Variants in OTOF observed in about 807,000 individuals in gnomAD.
OTOF encodes the protein otoferlin.
OTOF carries 218 observed loss-of-function variants against 236.8 expected under a neutral mutation model. The ratio of observed to expected loss-of-function variants is 0.92; its 90% CI spans 0.82 to 1.03. OTOF has a LOEUF of 1.03. Ranked by LOEUF, OTOF falls within the 50% of genes least tolerant of loss-of-function variation. The pLI is 0.00. For missense variants in OTOF, 2,590 were observed against 2,694.4 expected (o/e 0.96, Z 0.86); for synonymous variants, 1,041 against 1,072.5 (o/e 0.97, Z 0.57).
chr2:26,477,819 C>A lies in OTOF; in HGVS notation c.2215-70G>T. ...CCCCAGCCTCCCCAAATGCCTCCTC[C>A]CTGTTGATCAGGGGAGTGAGGGACC... On this transcript the variant is annotated intron_variant, in intron 18 of 46. Transcript: ENST00000272371. This position sits in a 1 kb window ranked among gnomAD's most constrained non-coding sequence, Gnocchi z 4.7. The A allele has an allele frequency of 1.3e-6, 2 of 1,593,668 alleles. No individual in the cohort carries two copies. The highest frequency in any genetic ancestry group is 1.7e-6 in the Non-Finnish European group (2 of 1,170,266).
At position 26,480,185 on chromosome 2, in the gene OTOF, C is replaced by T. The variant is rs565109436; in HGVS notation, c.1912+18G>A. ...AGCACTCACCTAGGCCCGAAGCCCC[C>T]GTGGGCCCAGCACTCACCTATGGTG... On this transcript the variant is annotated intron_variant, in intron 16 of 46. Coordinates refer to ENST00000272371, the MANE Select transcript of OTOF (RefSeq NM_194248.3). The T allele has an allele frequency of 3.6e-5, 55 of 1,522,612 alleles. No individual in the cohort carries two copies. In the East Asian group the frequency reaches 4.9e-4, roughly 14 times the overall value. The allele number at this position is 1,522,612 out of a possible 1,614,324, so 94.3% of individuals were successfully genotyped here.
Position 26,516,439 on chromosome 2 carries a change from G to GGGGGCCGGGAGC in OTOF, c.476_487dup (p.Pro162_Pro163insArgSerArgPro). 2 of 1,613,786 alleles carry GGGGGCCGGGAGC rather than the reference G, an allele frequency of 1.2e-6. No individual in the cohort carries two copies. The highest frequency in any genetic ancestry group is 1.7e-6 in the Non-Finnish European group (2 of 1,179,892). On this transcript the variant is annotated inframe_insertion, in exon 5 of 47. Transcript: ENST00000272371. ...TTACCTCCGGAAGCTCTTCTCTCCT[G>GGGGGCCGGGAGC]GGGGCCGGGAGCTGGGCCGGGAGCC...
chr2:26,483,778 C>T, intron 12 of OTOF, 130 bp from the exon 13 acceptor site: 1 of 758,210 alleles, frequency 1.3e-6, no homozygotes, highest in African/African-American at 1.7e-5. Flanking sequence ...TAGGATTAGA[C>T]ACTTGTGTTC....
chr2:26,558,653 C>A lies in OTOF; in HGVS notation c.-82G>T. The A allele has an allele frequency of 8.2e-7, 1 of 1,220,584 alleles. No individual in the cohort carries two copies. The highest frequency in any genetic ancestry group is 1.2e-5 in the South Asian group (1 of 82,582). 75.6% of individuals were successfully genotyped at this position (1,220,584 alleles called of 1,614,324 possible). On this transcript the variant is annotated 5_prime_UTR_variant, in exon 1 of 47. Coordinates refer to ENST00000272371, the MANE Select transcript of OTOF (RefSeq NM_194248.3). ...TGGAGCACGGCTCACACGCCTCTCT[C>A]TTCTCTGCCGCTGCCTCCTCCTCCT...
intron 5 of OTOF, among the ~76,000 whole-genome samples, chr2:26,504,666 G>A (rs1277953437): frequency 6.6e-6 from 1 of 152,174 alleles, no homozygotes; most frequent in Admixed American, 6.5e-5. Context: ...TGAGGAAAAG[G>A]GGCAGGGGTC....
rs111033383 is a variant in OTOF at position 26,479,325 on chromosome 2, C to T, written c.2153G>A (p.Trp718Ter). Residue 718 changes from tryptophan (W) to a stop codon, truncating the protein, a stop_gained, in exon 18 of 47, where the codon TGG becomes TAG. Coordinates refer to ENST00000272371, the MANE Select transcript of OTOF (RefSeq NM_194248.3). LOFTEE classifies it high-confidence loss of function. Reference sequence around the variant, plus strand: ...GTAGAGGCGGCGGCGCTGGTCCGGCCACCAGCTCTTGATGTAGATGCAGGG... The same window carrying T: ...GTAGAGGCGGCGGCGCTGGTCCGGCTACCAGCTCTTGATGTAGATGCAGGG... ...RKPCIYIKSWWPDQRRRLYNA... is the reference protein window; with the variant it reads ...RKPCIYIKSW 1.9e-5 allele frequency: 31 copies of T among 1,612,554 alleles called. No homozygotes were observed. In the African/African-American group the frequency reaches 4.0e-4, roughly 21 times the overall value.
Position 26,523,600 on chromosome 2 carries a change from A to AG in OTOF, c.227+4231dup, listed in dbSNP as rs34223786. On this transcript the variant is annotated intron_variant, in intron 3 of 46. Coordinates refer to ENST00000272371, the MANE Select transcript of OTOF (RefSeq NM_194248.3). ...GAGTGCCCTGAGTCCTTCAGAGAAGAGGGGCCACTCCGATTCCCTCTCAAA... is the reference window on the plus strand; with the variant it reads ...GAGTGCCCTGAGTCCTTCAGAGAAGAGGGGGCCACTCCGATTCCCTCTCAAA... 7.5e-3 allele frequency among the ~76,000 whole-genome samples: 1,136 copies of AG among 152,270 alleles called. 15 individuals carry two copies. The highest frequency in any genetic ancestry group is 0.025 in the African/African-American group (1,038 of 41,544).
chr2:26,475,862 A>G (rs1056182131), intron 24 of OTOF, 52 bp downstream of exon 24: 31 of 1,558,526 alleles, frequency 2.0e-5, no homozygotes, highest in Non-Finnish European at 2.5e-5. Context: ...ACAGGCTCAC[A>G]GGCTTCTGGT....
rs762893229 is a variant in OTOF at position 26,474,091 on chromosome 2, G to A, written c.3308C>T (p.Ala1103Val). 4 of 1,612,956 alleles carry A rather than the reference G, an allele frequency of 2.5e-6. No homozygotes were observed. Among genetic ancestry groups the A allele is most frequent in the Non-Finnish European group, 3.4e-6 (4 of 1,179,860 alleles). ...ELLQIGPAGKADLPPINGPVD... is the reference protein window; with the variant it reads ...ELLQIGPAGKVDLPPINGPVD... ...CGGGCCATTGATGGGGGGCAGGTCA[G>A]CCTTCCCTGCTGGTCCAATCTGGGG... The change falls in exon 27 of 47, where the codon GCT (alanine) becomes GTT (valine). Residue 1103 changes from alanine to valine, a missense_variant. By Grantham distance (64) the Ala-to-Val change is moderately conservative. Coordinates refer to ENST00000272371, the MANE Select transcript of OTOF (RefSeq NM_194248.3).
At chr2:26,479,768 G>C (rs1665478226) in intron 16 of OTOF, 115 bp from the exon 17 acceptor site, 2 of 975,154 alleles carry the variant, frequency 2.1e-6, no homozygotes, top group African/African-American at 3.2e-5. Flanking sequence ...TCAGGGAATG[G>C]GGCTCAGACG....
At chr2:26,500,707 G>T (rs76345096) in intron 8 of OTOF, among the ~76,000 whole-genome samples, 2 of 152,260 alleles carry the variant, frequency 1.3e-5, no homozygotes, top group East Asian at 3.9e-4. Flanking sequence ...AAAGATGAAG[G>T]GAGATGAAGT....
Position 26,473,441 on chromosome 2 carries a change from G to A in OTOF, c.3535C>T (p.Pro1179Ser), listed in dbSNP as rs752686446. 1 of 1,613,386 alleles carries A rather than the reference G, an allele frequency of 6.2e-7. No homozygotes were observed. Among genetic ancestry groups the A allele is most frequent in the Admixed American group, 1.7e-5 (1 of 60,014 alleles). ...SSLIHNYKKN[P>S]NFNTLVKWFE... ...CACTTGACGAGGGTGTTGAAGTTGG[G>A]GTTCTTCTTATAATTGTGGATCAGG... The change falls in exon 28 of 47, where the codon CCC becomes TCC. Residue 1179 changes from proline to serine, a missense_variant. By Grantham distance (74) the Pro-to-Ser change is moderately conservative. Coordinates refer to ENST00000272371, the MANE Select transcript of OTOF (RefSeq NM_194248.3). This position sits in a 1 kb window ranked among gnomAD's most constrained non-coding sequence, Gnocchi z 7.2.
chr2:26,551,305 G>C (rs1250316635), intron 1 of OTOF, among the ~76,000 whole-genome samples: 3 of 152,118 alleles, frequency 2.0e-5, no homozygotes, highest in Non-Finnish European at 4.4e-5. Context: ...CATGGCCTTT[G>C]TTCCTGCCAA....
In OTOF at chr2:26,472,486, C is replaced by T. The variant is rs41286015; in HGVS notation, c.3864+33G>A. 36,735 of 1,612,782 alleles carry T rather than the reference C, an allele frequency of 0.023. 626 individuals carry two copies. The highest frequency in any genetic ancestry group is 0.082 in the African/African-American group (6,157 of 75,022). Reference sequence around the variant, plus strand: ...TGTGTCACACGAAGTTGCATGTTCCCAGCCAGCAGGGGGCTGACCCCACCC... The same window carrying T: ...TGTGTCACACGAAGTTGCATGTTCCTAGCCAGCAGGGGGCTGACCCCACCC... On this transcript the variant is annotated intron_variant, in intron 30 of 46. Coordinates refer to ENST00000272371, the MANE Select transcript of OTOF (RefSeq NM_194248.3).
chr2:26,473,122 G>A lies in OTOF; in HGVS notation c.3733+10C>T, dbSNP rs1458251715. On this transcript the variant is annotated intron_variant, in intron 29 of 46. Transcript: ENST00000272371. The surrounding 1 kb of genome is among the most constrained non-coding windows in gnomAD (Gnocchi z 7.2). ...AGCCAGGCTTGGTGGCAGGGTGGAT[G>A]TGGCCATACCCGTGGTGTTCCAGCT... The A allele has an allele frequency of 6.2e-7, 1 of 1,609,362 alleles. No individual in the cohort carries two copies. Among genetic ancestry groups the A allele is most frequent in the African/African-American group, 1.3e-5 (1 of 74,850 alleles).
At position 26,475,413 on chromosome 2, in the gene OTOF, C is replaced by G. The variant is rs1295426926; in HGVS notation, c.3072G>C (p.Glu1024Asp). Residue 1024 changes from glutamate (E) to aspartate (D), a missense_variant, in exon 25 of 47, where the codon GAG becomes GAC. Physicochemically the swap from Glu to Asp is conservative, Grantham distance 45. Coordinates refer to ENST00000272371, the MANE Select transcript of OTOF (RefSeq NM_194248.3). ...DNLELYGEAHELRDDPPIIVI... is the reference protein window; with the variant it reads ...DNLELYGEAHDLRDDPPIIVI... ...CAATGATGGGCGGATCGTCCCTCAG[C>G]TCATGAGCTTCACCATAGAGCTCCA... 1 of 1,613,086 alleles carries G rather than the reference C, an allele frequency of 6.2e-7. No homozygotes were observed. The highest frequency in any genetic ancestry group is 8.5e-7 in the Non-Finnish European group (1 of 1,179,954).
chr2:26,480,044 G>A (rs936048296), intron 16 of OTOF, among the ~76,000 whole-genome samples, 159 bp downstream of exon 16: 10 of 152,258 alleles, frequency 6.6e-5, no homozygotes. Flanking sequence ...TTTTGTGGGT[G>A]CTTGAGGCCT....
intron 8 of OTOF, 106 bp downstream of exon 8, chr2:26,501,648 A>G: frequency 3.7e-6 from 3 of 813,412 alleles, no homozygotes; most frequent in East Asian, 2.5e-5. Context: ...GTTGTTCTCT[A>G]TGACCCCTGG....
chr2:26,486,533 G>A (rs950907715), intron 11 of OTOF, among the ~76,000 whole-genome samples: 6 of 152,188 alleles, frequency 3.9e-5, no homozygotes, highest in East Asian at 1.9e-4. Flanking sequence ...AAGAGAATAC[G>A]GTTCAGGAGG....
Sources: gnomAD v4.1 joint callset for allele counts (sites outside exome capture counted in the v4.1 genomes callset) on GRCh38, gnomAD v4.1.1 for gene constraint, Gnocchi (gnomAD v3.1) non-coding constraint, MANE v1.5 for transcripts, NCBI Gene and HGNC (gene_info 2026-07-23, HGNC 2026-07-21) for gene names.